Variants in TBC1D9B observed in about 807,000 individuals in gnomAD.
The protein encoded by TBC1D9B is TBC1 domain family, member 9B (with GRAM domain).
In TBC1D9B, 87 loss-of-function variants were observed where a neutral mutation model predicts 121.1. The observed-to-expected ratio is 0.72, with a 90% confidence interval of 0.60 to 0.86. The LOEUF (loss-of-function observed/expected upper bound fraction) is 0.86, where lower values mean the gene tolerates loss of function less well. Ranked by LOEUF, TBC1D9B falls within the 40% of genes least tolerant of loss-of-function variation. TBC1D9B has a pLI of 0.00. For synonymous variants in TBC1D9B, 668 were observed against 670.1 expected, an observed-to-expected ratio of 1.00 and a Z score of 0.05; for missense variants, 1,540 against 1,628.6, an observed-to-expected ratio of 0.95 and a Z score of 0.94.
chr5:179,867,905 G>C (rs1381674136), intron 17 of TBC1D9B, 56 bp from the exon 18 acceptor site: 23 of 1,476,688 alleles, frequency 1.6e-5, no homozygotes, highest in Non-Finnish European at 1.9e-5. Flanking sequence ...GATCCTCTCA[G>C]AGTAAGTTCC....
chr5:179,878,905 A>G, intron 9 of TBC1D9B, 142 bp downstream of exon 9: 1 of 1,221,820 alleles, frequency 8.2e-7, no homozygotes, highest in Non-Finnish European at 1.1e-6. Flanking sequence ...CAGAGCCCAG[A>G]GCCCGGCTCC....
rs1280128653 is a variant in TBC1D9B at position 179,904,222 on chromosome 5, T to C, written c.229+480A>G. Among the ~76,000 whole-genome samples the C allele has an allele frequency of 1.1e-5, 1 of 93,852 alleles. No individual in the cohort carries two copies. The highest frequency in any genetic ancestry group is 2.1e-5 in the Non-Finnish European group (1 of 47,226). The allele number at this position is 93,852 out of a possible 152,430, so 61.6% of individuals were successfully genotyped here. Reference sequence around the variant, plus strand: ...GTCCCCATGACCAGTGGAGCTGCCTTTTTTTTTTTTTTTTTTTTTTGAGAC... The same window carrying C: ...GTCCCCATGACCAGTGGAGCTGCCTCTTTTTTTTTTTTTTTTTTTTGAGAC... On this transcript the variant is annotated intron_variant, in intron 2 of 20. Coordinates refer to ENST00000355235, the MANE Select transcript of TBC1D9B (RefSeq NM_015043.4). This position sits in a 1 kb window ranked among gnomAD's most constrained non-coding sequence, Gnocchi z 4.2.
rs1582095649 is a variant in TBC1D9B at position 179,890,242 on chromosome 5, A to C, written c.1044+1137T>G. ...AGCGCTGGCTGGGCAGGCGGCCCCC[A>C]CCCTGACCAGCTGCAGAGTTCCATC... On this transcript the variant is annotated intron_variant, in intron 6 of 20. Coordinates refer to ENST00000355235, the MANE Select transcript of TBC1D9B (RefSeq NM_015043.4). The surrounding 1 kb of genome is among the most constrained non-coding windows in gnomAD (Gnocchi z 5.0). Among the ~76,000 whole-genome samples, 1 of 152,138 alleles carries C rather than the reference A, an allele frequency of 6.6e-6. No individual in the cohort carries two copies. Among genetic ancestry groups the C allele is most frequent in the East Asian group, 1.9e-4 (1 of 5,194 alleles).
chr5:179,866,219 C>T (rs1194631325), intron 18 of TBC1D9B: 1 of 256,360 alleles, frequency 3.9e-6, no homozygotes, highest in Admixed American at 5.2e-5. Flanking sequence ...TGAGGACTAA[C>T]GAATTCTATA....
chr5:179,887,658 A>C (rs1265554943), intron 7 of TBC1D9B: 1 of 193,060 alleles, frequency 5.2e-6, no homozygotes. Context: ...GGGAAGTGTG[A>C]ATACAATATT....
chr5:179,870,401 T>G lies in TBC1D9B; in HGVS notation c.2579A>C (p.Asp860Ala), dbSNP rs1365437990. The G allele has an allele frequency of 6.2e-7, 1 of 1,613,560 alleles. No individual in the cohort carries two copies. The highest frequency in any genetic ancestry group is 1.3e-5 in the African/African-American group (1 of 74,918). ...SLPYLEQYRI[D>A]ASQFRELFAS... Reference sequence around the variant, plus strand: ...AAAGAGTTCCCGGAACTGGCTGGCATCAATCCGGTACTGCTCCAGGTAGGG... The same window carrying G: ...AAAGAGTTCCCGGAACTGGCTGGCAGCAATCCGGTACTGCTCCAGGTAGGG... The change falls in exon 16 of 21, where the codon GAT becomes GCT. Residue 860 changes from aspartate (D) to alanine (A), a missense_variant. By Grantham distance (126) the Asp-to-Ala change is moderately radical. Coordinates refer to ENST00000355235, the MANE Select transcript of TBC1D9B (RefSeq NM_015043.4).
intron 13 of TBC1D9B, 60 bp from the exon 14 acceptor site, chr5:179,873,050 G>T: frequency 1.2e-6 from 2 of 1,613,436 alleles, no homozygotes; most frequent in South Asian, 2.2e-5. Context: ...GCCACCACCT[G>T]CCCATAGCCA....
intron 3 of TBC1D9B, among the ~76,000 whole-genome samples, chr5:179,895,735 C>T (rs934967026): frequency 1.3e-5 from 2 of 152,230 alleles, no homozygotes; most frequent in Admixed American, 6.5e-5. Flanking sequence ...GGCTGGGCCA[C>T]CCCCGATCCC....
In TBC1D9B at chr5:179,903,844, G is replaced by A. The variant is rs185840792; in HGVS notation, c.229+858C>T. 1.2e-4 allele frequency among the ~76,000 whole-genome samples: 18 copies of A among 152,276 alleles called. No individual in the cohort carries two copies. The East Asian group carries it at 2.9e-3, about 24-fold the overall frequency. ...CATGGGAAAAACATGGCACTGCAGA[G>A]ACTGTGAACAGGACACGTGAGTGCA... On this transcript the variant is annotated intron_variant, in intron 2 of 20. Coordinates refer to ENST00000355235, the MANE Select transcript of TBC1D9B (RefSeq NM_015043.4).
In TBC1D9B at chr5:179,865,807, T is replaced by C. The variant is rs190159870; in HGVS notation, c.2914+31A>G. ...GCAAGGGTGCCTCAACGCTGGGGTC[T>C]CTAAGAACAGCGGCAGAGAATGGCC... On this transcript the variant is annotated intron_variant, in intron 19 of 20. Transcript: ENST00000355235. This position sits in a 1 kb window ranked among gnomAD's most constrained non-coding sequence, Gnocchi z 5.1. 43 of 1,572,284 alleles carry C rather than the reference T, an allele frequency of 2.7e-5. No individual in the cohort carries two copies. The East Asian group carries it at 8.3e-4, about 30-fold the overall frequency.
At chr5:179,879,000 G>C in intron 9 of TBC1D9B, 47 bp downstream of exon 9, 1 of 1,587,068 alleles carries the variant, frequency 6.3e-7, no homozygotes, top group Non-Finnish European at 8.5e-7. Context: ...GAGAGCTTGG[G>C]GACTGACTGG....
Position 179,863,942 on chromosome 5 carries a change from G to T in TBC1D9B, c.3208C>A (p.Pro1070Thr), listed in dbSNP as rs537504596. The stretch of plus-strand genomic sequence containing the variant: ...GCGTCCTGATGCAGTTCGGGTGCTG[G>T]TGGCTCGTCCTCCTCAGTGGCACAG... Reference protein sequence around the residue: ...RDCATEEDEPPAPELHQDAAR... With the variant: ...RDCATEEDEPTAPELHQDAAR... Residue 1070 changes from proline (P) to threonine (T), a missense_variant, in exon 21 of 21, where the codon CCA (proline) becomes ACA (threonine). Physicochemically the swap from Pro to Thr is conservative, Grantham distance 38 (BLOSUM62 -1). Transcript: ENST00000355235. The surrounding 1 kb of genome is among the most constrained non-coding windows in gnomAD (Gnocchi z 4.5). 1 of 1,613,782 alleles carries T rather than the reference G, an allele frequency of 6.2e-7. No individual in the cohort carries two copies. Among genetic ancestry groups the T allele is most frequent in the Non-Finnish European group, 8.5e-7 (1 of 1,180,036 alleles).
Position 179,869,758 on chromosome 5 carries a change from G to A in TBC1D9B, c.2791+11C>T, listed in dbSNP as rs760922702. 1.9e-6 allele frequency: 3 copies of A among 1,611,720 alleles called. No individual in the cohort carries two copies. In the South Asian group the frequency reaches 3.3e-5, roughly 18 times the overall value. ...GAGACCCTGGCTGGGGAGTGGGCAG[G>A]AGGCTCTCACCTGGGGGAAGGTGTA... is the stretch of plus-strand genomic sequence containing the variant. On this transcript the variant is annotated intron_variant, in intron 17 of 20. Transcript: ENST00000355235.
chr5:179,900,377 G>T (rs1267701007), intron 2 of TBC1D9B, among the ~76,000 whole-genome samples: 1 of 152,146 alleles, frequency 6.6e-6, no homozygotes, highest in Non-Finnish European at 1.5e-5. Context: ...CTGTTTCTGG[G>T]GTTTTGCCTG....
rs752701627 is a variant in TBC1D9B at position 179,867,810 on chromosome 5, G to A, written c.2831C>T (p.Ala944Val). 1 of 1,538,840 alleles carries A rather than the reference G, an allele frequency of 6.5e-7. No homozygotes were observed. Residue 944 changes from alanine (A) to valine (V), a missense_variant, in exon 18 of 21, where the codon GCC (alanine) becomes GTC (valine). By Grantham distance (64) the Ala-to-Val change is moderately conservative. Transcript: ENST00000355235. ...GGAGCTGTCCTCTGTGAAATAATGG[G>A]CCGCCTCCAGGGCTGACTCGGCTTC... ...PEEAESALEA[A>V]HYFTEDSSSE... is the part of the protein sequence containing the mutation.
intron 2 of TBC1D9B, among the ~76,000 whole-genome samples, chr5:179,900,083 G>C (rs1370557568): frequency 6.6e-6 from 1 of 152,120 alleles, no homozygotes; most frequent in Non-Finnish European, 1.5e-5. Context: ...AGCTGGGCGT[G>C]GTGGCATGCA....
intron 12 of TBC1D9B, among the ~76,000 whole-genome samples, chr5:179,873,529 G>A (rs868828179): frequency 2.0e-5 from 3 of 152,224 alleles, no homozygotes; most frequent in East Asian, 1.9e-4. Context: ...GGGCAGGAAC[G>A]CCTTATAACC....
rs1759973797 is a variant in TBC1D9B at position 179,865,289 on chromosome 5, T to C, written c.2986A>G (p.Lys996Glu). 4 of 1,614,044 alleles carry C rather than the reference T, an allele frequency of 2.5e-6. No individual in the cohort carries two copies. The South Asian group carries it at 3.3e-5, about 13-fold the overall frequency. ...TTGGGAAGATCCTTAATCGTCTCCTTCTGAGCCTCTTTCTCCTTGGCCCAC... is the reference window on the plus strand; with the variant it reads ...TTGGGAAGATCCTTAATCGTCTCCTCCTGAGCCTCTTTCTCCTTGGCCCAC... Reference protein sequence around the residue: ...RMWAKEKEAQKETIKDLPKMN... With the variant: ...RMWAKEKEAQEETIKDLPKMN... The change falls in exon 20 of 21, where the codon AAG becomes GAG. Residue 996 changes from lysine to glutamate, a missense_variant. Coordinates refer to ENST00000355235, the MANE Select transcript of TBC1D9B (RefSeq NM_015043.4). The surrounding 1 kb of genome is among the most constrained non-coding windows in gnomAD (Gnocchi z 5.1).
rs1478454315 is a variant in TBC1D9B, at chr5:179,891,852, C to T, written c.837-266G>A. On this transcript the variant is annotated intron_variant, in intron 5 of 20. Coordinates refer to ENST00000355235, the MANE Select transcript of TBC1D9B (RefSeq NM_015043.4). The surrounding 1 kb of genome is among the most constrained non-coding windows in gnomAD (Gnocchi z 4.3). ...TCCTGAGACTGCTTTGAAAAGGACA[C>T]ACCTAGATGCTGGCCTGGGCAATGT... is the stretch of plus-strand genomic sequence containing the variant. 1.3e-5 allele frequency among the ~76,000 whole-genome samples: 2 copies of T among 152,186 alleles called. No homozygotes were observed. Among genetic ancestry groups the T allele is most frequent in the African/African-American group, 4.8e-5 (2 of 41,440 alleles).
Sources: allele counts gnomAD v4.1 joint callset (sites outside exome capture counted in the v4.1 genomes callset), GRCh38; gene constraint gnomAD v4.1.1; non-coding constraint Gnocchi (gnomAD v3.1); transcripts MANE v1.5; gene names NCBI Gene and HGNC (gene_info 2026-07-23, HGNC 2026-07-21).